Variants in MGAT4C observed in about 807,000 individuals in gnomAD.
The protein encoded by MGAT4C is alpha-1,3-mannosyl-glycoprotein 4-beta-N-acetylglucosaminyltransferase C.
Under a neutral mutation model 40.1 loss-of-function variants are expected in MGAT4C, and 19 were observed. The observed-to-expected ratio is 0.47, with a 90% confidence interval of 0.33 to 0.70. The LOEUF is 0.70. Ranked by LOEUF, MGAT4C falls within the 30% of genes least tolerant of loss-of-function variation. MGAT4C has a pLI of 0.02. For synonymous variants in MGAT4C, 181 were observed against 187.1 expected (o/e 0.97, Z 0.27); for missense variants, 491 against 563.2 (o/e 0.87, Z 1.30).
At chr12:86,459,887 G>A (rs1454773911) in intron 2 of MGAT4C, among the ~76,000 whole-genome samples, 2 of 151,824 alleles carry the variant, frequency 1.3e-5, no homozygotes, top group African/African-American at 2.4e-5. Flanking sequence ...AATTTCATCT[G>A]AATATGAACT....
intron 4 of MGAT4C, among the ~76,000 whole-genome samples, chr12:86,278,363 G>T (rs1358204826): frequency 6.6e-6 from 1 of 151,998 alleles, no homozygotes; most frequent in East Asian, 1.9e-4. Flanking sequence ...ATTTTTAGTA[G>T]AAGTGGGATT....
intron 3 of MGAT4C, among the ~76,000 whole-genome samples, chr12:85,987,049 A>C (rs1287243835): frequency 6.7e-6 from 1 of 149,006 alleles, no homozygotes; most frequent in Non-Finnish European, 1.5e-5. Flanking sequence ...ACAAGGGATG[A>C]GTGTTGGAAT....
At chr12:86,686,697 G>A (rs1193206102) in intron 2 of MGAT4C, among the ~76,000 whole-genome samples, 1 of 152,184 alleles carries the variant, frequency 6.6e-6, no homozygotes, top group East Asian at 1.9e-4. Flanking sequence ...ACTTGATCAT[G>A]GTGGATAAGC....
chr12:86,202,200 T>C (rs1193909576), intron 1 of MGAT4C, among the ~76,000 whole-genome samples: 1 of 152,086 alleles, frequency 6.6e-6, no homozygotes, highest in African/African-American at 2.4e-5. Context: ...CAAATCTTAG[T>C]AAGAAAGCAT....
chr12:86,024,099 G>T (rs1470315548), intron 2 of MGAT4C, among the ~76,000 whole-genome samples: 1 of 151,668 alleles, frequency 6.6e-6, no homozygotes, highest in Non-Finnish European at 1.5e-5. Flanking sequence ...AATTATGGAT[G>T]TTACTTTTTT....
chr12:86,494,077 T>C (rs114773763), intron 2 of MGAT4C, among the ~76,000 whole-genome samples: 3 of 152,090 alleles, frequency 2.0e-5, no homozygotes, highest in Non-Finnish European at 2.9e-5. Context: ...ACAATCAAGA[T>C]GTAAAACCTT....
chr12:85,979,541 ATTTAC>A lies in MGAT4C; in HGVS notation c.1180_1184del (p.Val394TyrfsTer9), dbSNP rs770864945. 4.3e-6 allele frequency: 7 copies of A among 1,610,402 alleles called. No individual in the cohort carries two copies. Among genetic ancestry groups the A allele is most frequent in the South Asian group, 1.1e-5 (1 of 90,660 alleles). ...CATTTTGCCGATCTTCTGTTCCAGT[ATTTAC>A]TTTAATTTTTTTTATTATAATTGGA... On this transcript the variant is annotated frameshift_variant, in exon 5 of 5. Transcript: ENST00000611864. LOFTEE classifies it high-confidence loss of function.
intron 2 of MGAT4C, among the ~76,000 whole-genome samples, chr12:86,533,977 T>C (rs1959029047): frequency 6.6e-6 from 1 of 152,120 alleles, no homozygotes; most frequent in Non-Finnish European, 1.5e-5. Flanking sequence ...TAGTATCTCA[T>C]GACAGATAGT....
chr12:86,587,846 G>A (rs11104002), intron 2 of MGAT4C, among the ~76,000 whole-genome samples: 106,490 of 150,468 alleles, frequency 0.71, 38,858 homozygotes, highest in Middle Eastern at 0.8. Flanking sequence ...AGGAGATTTT[G>A]GGCTGAGACA....
intron 1 of MGAT4C, among the ~76,000 whole-genome samples, chr12:86,195,375 T>A (rs1949764005): frequency 6.6e-6 from 1 of 152,180 alleles, no homozygotes; most frequent in African/African-American, 2.4e-5. Flanking sequence ...TGGATTATAG[T>A]GATTTTATTA....
intron 4 of MGAT4C, among the ~76,000 whole-genome samples, chr12:86,306,297 A>C (rs2136145101): frequency 6.6e-6 from 1 of 150,600 alleles, no homozygotes; most frequent in East Asian, 1.9e-4. Context: ...CAAAAACTGA[A>C]ATCTTCCTAA....
intron 1 of MGAT4C, among the ~76,000 whole-genome samples, chr12:86,076,359 C>T (rs754216749): frequency 6.6e-6 from 1 of 152,192 alleles, no homozygotes; most frequent in Non-Finnish European, 1.5e-5. Context: ...TAGGAAGTTT[C>T]AAACTTTTCC....
At chr12:86,269,035 TATATATATATATATATATATATATA>T (rs1339962817) in intron 4 of MGAT4C, among the ~76,000 whole-genome samples, 1 of 133,516 alleles carries the variant, frequency 7.5e-6, no homozygotes, top group African/African-American at 2.9e-5. Context: ...TATATATATA[TATATATATATATATATATATATATA>T]TTCTTTTCTT....
chr12:86,661,617 G>T (rs1296583187), intron 2 of MGAT4C, among the ~76,000 whole-genome samples: 1 of 152,112 alleles, frequency 6.6e-6, no homozygotes, highest in Non-Finnish European at 1.5e-5. Flanking sequence ...AAGTATCTTT[G>T]AATGGGAGGT....
chr12:86,255,460 AT>A (rs2136086286), intron 1 of MGAT4C, among the ~76,000 whole-genome samples: 1 of 152,206 alleles, frequency 6.6e-6, no homozygotes, highest in South Asian at 2.1e-4. Context: ...TTTTGCTACA[AT>A]ATAACAAGAT....
chr12:86,824,749 A>G (rs36021083), intron 1 of MGAT4C, among the ~76,000 whole-genome samples: 22,141 of 148,538 alleles, frequency 0.15, 1,811 homozygotes, highest in Middle Eastern at 0.28. Flanking sequence ...AAAAAAAAAA[A>G]AAAAAGAGAG....
intron 4 of MGAT4C, among the ~76,000 whole-genome samples, chr12:86,276,254 T>C (rs1012285314): frequency 1.3e-5 from 2 of 152,208 alleles, no homozygotes; most frequent in Non-Finnish European, 2.9e-5. Context: ...ATATGTACTT[T>C]ACAAGATGAG....
At chr12:86,475,827 G>T (rs1957826806) in intron 2 of MGAT4C, among the ~76,000 whole-genome samples, 1 of 151,892 alleles carries the variant, frequency 6.6e-6, no homozygotes, top group Non-Finnish European at 1.5e-5. Context: ...AAACTGTCAT[G>T]AATTTTAAAC....
chr12:86,443,781 A>C (rs990937510), intron 2 of MGAT4C, among the ~76,000 whole-genome samples: 1 of 151,998 alleles, frequency 6.6e-6, no homozygotes, highest in African/African-American at 2.4e-5. Flanking sequence ...TTTTTAGTAG[A>C]GACAGGGTTT....
Sources: gnomAD v4.1 joint callset for allele counts (sites outside exome capture counted in the v4.1 genomes callset) on GRCh38, gnomAD v4.1.1 for gene constraint, MANE v1.5 for transcripts, NCBI Gene and HGNC (gene_info 2026-07-23, HGNC 2026-07-21) for gene names.